The following ICE1 variants were observed in gnomAD, a reference collection of about 807,000 sequenced individuals.
ICE1 encodes the protein little elongation complex subunit 1.
Under a neutral mutation model 192.7 loss-of-function variants are expected in ICE1, and 64 were observed. The observed-to-expected ratio is 0.33, with a 90% confidence interval of 0.27 to 0.41. The LOEUF (loss-of-function observed/expected upper bound fraction) is 0.41. Ranked by LOEUF, ICE1 falls within the 10% of genes least tolerant of loss-of-function variation. The pLI is 1.00. For synonymous variants in ICE1, 1,010 were observed against 984.5 expected (o/e 1.03, Z -0.49); for missense variants, 2,708 against 2,696.0 (o/e 1.00, Z -0.10).
intron 1 of ICE1, among the ~76,000 whole-genome samples, chr5:5,435,128 C>T (rs1451156646): frequency 6.6e-6 from 1 of 152,186 alleles, no homozygotes; most frequent in African/African-American, 2.4e-5. Context: ...AAACCTCCCT[C>T]AACAACAATT....
chr5:5,470,900 C>G (rs1434711479), intron 15 of ICE1, among the ~76,000 whole-genome samples: 1 of 151,698 alleles, frequency 6.6e-6, no homozygotes, highest in Non-Finnish European at 1.5e-5. Flanking sequence ...AATCAAATAT[C>G]TCTAGCTTTT....
intron 10 of ICE1, among the ~76,000 whole-genome samples, chr5:5,453,207 T>A (rs1738476410): frequency 6.6e-6 from 1 of 152,086 alleles, no homozygotes; most frequent in African/African-American, 2.4e-5. Context: ...GGAAGCAGGC[T>A]TTTGGGTAGG....
chr5:5,464,728 G>C lies in ICE1; in HGVS notation c.5394G>C (p.Thr1798=). The stretch of plus-strand genomic sequence containing the variant: ...CCAGTGCTATGATAGGATTCAAAAC[G>C]ATCACTTCAGCAGCAACTGCTTTTG... The part of the protein sequence containing the change: ...GPASAMIGFK[T]ITSAATAFVK... The change falls in exon 13 of 19, where the codon ACG becomes ACC. Residue 1798 remains threonine, a synonymous_variant. Coordinates refer to ENST00000296564, the MANE Select transcript of ICE1 (RefSeq NM_015325.3). This position sits in a 1 kb window ranked among gnomAD's most constrained non-coding sequence, Gnocchi z 4.0. 6.2e-7 allele frequency: 1 copy of C among 1,613,894 alleles called. No homozygotes were observed. The highest frequency in any genetic ancestry group is 2.2e-5 in the East Asian group (1 of 44,874).
At chr5:5,472,524 C>T (rs1025415745) in intron 15 of ICE1, among the ~76,000 whole-genome samples, 9 of 152,152 alleles carry the variant, frequency 5.9e-5, no homozygotes, top group Admixed American at 1.3e-4. Flanking sequence ...TGCATCTGCT[C>T]AGGTTGCGAA....
At chr5:5,424,386 GCCA>G (rs1189278372) in intron 1 of ICE1, among the ~76,000 whole-genome samples, 1 of 124,808 alleles carries the variant, frequency 8.0e-6, no homozygotes, top group Admixed American at 8.9e-5. Context: ...CCCCGCCCCC[GCCA>G]CCACCACCCC....
rs776599611 is a variant in ICE1 at position 5,460,490 on chromosome 5, A to G, written c.1156A>G (p.Arg386Gly). ...DSSDNDSVQL[R>G]NSAECVSEDD... is the part of the protein sequence containing the mutation. ...CAGCGATAATGACTCAGTCCAGCTTAGAAATTCTGCTGAGTGTGTTTCAGA... is the reference window on the plus strand; with the variant it reads ...CAGCGATAATGACTCAGTCCAGCTTGGAAATTCTGCTGAGTGTGTTTCAGA... The change falls in exon 13 of 19, where the codon AGA becomes GGA. Residue 386 changes from arginine to glycine, a missense_variant. Coordinates refer to ENST00000296564, the MANE Select transcript of ICE1 (RefSeq NM_015325.3). 3.7e-6 allele frequency: 6 copies of G among 1,611,642 alleles called. No individual in the cohort carries two copies. In the South Asian group the frequency reaches 5.5e-5, roughly 15 times the overall value.
rs1191347984 is a variant in ICE1 at position 5,464,853 on chromosome 5, C to A, written c.5519C>A (p.Ser1840Tyr). ...DSSGKRTLSTSTLRSAKRLRL... is the reference protein window; with the variant it reads ...DSSGKRTLSTYTLRSAKRLRL... Reference sequence around the variant, plus strand: ...AGCGGGAAAAGAACACTGTCAACGTCTACACTGAGAAGTGCTAAAAGACTG... The same window carrying A: ...AGCGGGAAAAGAACACTGTCAACGTATACACTGAGAAGTGCTAAAAGACTG... Residue 1840 changes from serine (S) to tyrosine (Y), a missense_variant, in exon 13 of 19, where the codon TCT (serine) becomes TAT (tyrosine). Ser to Tyr is a moderately radical substitution (Grantham distance 144). This residue lies in a region of ICE1 where 2,366 missense variants were observed against 2,276.6 expected (regional missense o/e 1.04). Transcript: ENST00000296564. This position sits in a 1 kb window ranked among gnomAD's most constrained non-coding sequence, Gnocchi z 4.0. 1 of 1,613,084 alleles carries A rather than the reference C, an allele frequency of 6.2e-7. No homozygotes were observed. The highest frequency in any genetic ancestry group is 8.5e-7 in the Non-Finnish European group (1 of 1,179,514).
rs1322544389 is a variant in ICE1 at position 5,460,853 on chromosome 5, G to T, written c.1519G>T (p.Gly507Cys). The T allele has an allele frequency of 6.2e-7, 1 of 1,614,032 alleles. No homozygotes were observed. The highest frequency in any genetic ancestry group is 8.5e-7 in the Non-Finnish European group (1 of 1,179,898). ...GAAGACCATTCATAAACTCACTCGAGGTCTATGCATTGAGAGATTGTCTGC... is the reference window on the plus strand; with the variant it reads ...GAAGACCATTCATAAACTCACTCGATGTCTATGCATTGAGAGATTGTCTGC... ...TEKTIHKLTRGLCIERLSASP... is the reference protein window; with the variant it reads ...TEKTIHKLTRCLCIERLSASP... The change falls in exon 13 of 19, where the codon GGT becomes TGT. Residue 507 changes from glycine (G) to cysteine (C), a missense_variant. Transcript: ENST00000296564.
rs898844616 is a variant in ICE1, at chr5:5,462,044, T to A, written c.2710T>A (p.Cys904Ser). ...NKTGMSTVAK[C>S]DGERDDTTQN... is the part of the protein sequence containing the mutation. ...AACCGGTATGTCAACTGTAGCAAAA[T>A]GTGATGGGGAAAGAGATGATACAAC... The change falls in exon 13 of 19, where the codon TGT becomes AGT. Residue 904 changes from cysteine to serine, a missense_variant. Cys to Ser is a moderately radical substitution (Grantham distance 112). Transcript: ENST00000296564. 5 of 1,613,788 alleles carry A rather than the reference T, an allele frequency of 3.1e-6. No individual in the cohort carries two copies. In the African/African-American group the frequency reaches 6.7e-5, roughly 22 times the overall value.
chr5:5,469,696 A>G (rs1004436780), intron 15 of ICE1, among the ~76,000 whole-genome samples: 2 of 151,864 alleles, frequency 1.3e-5, no homozygotes, highest in Non-Finnish European at 2.9e-5. Flanking sequence ...GCCTTTTTTT[A>G]TTATTACTTT....
intron 12 of ICE1, 43 bp from the exon 13 acceptor site, chr5:5,460,393 C>T (rs1406514914): frequency 8.9e-7 from 1 of 1,128,946 alleles, no homozygotes; most frequent in Non-Finnish European, 1.3e-6. Flanking sequence ...TCATGTTAAT[C>T]TGTTGAATTA....
chr5:5,438,167 G>C (rs545208768), intron 3 of ICE1, among the ~76,000 whole-genome samples: 1 of 152,214 alleles, frequency 6.6e-6, no homozygotes, highest in African/African-American at 2.4e-5. Context: ...GAAGTGCAGA[G>C]CGAAGCGGGG....
rs1252624621 is a variant in ICE1 at position 5,457,314 on chromosome 5, T to C, written c.692-18T>C. ...GATATTGTAAATACCTGATACCTACTTTTGTTCCCCCACATAGAAAAACCT... is the reference window on the plus strand; with the variant it reads ...GATATTGTAAATACCTGATACCTACCTTTGTTCCCCCACATAGAAAAACCT... On this transcript the variant is annotated intron_variant, in intron 11 of 18. Transcript: ENST00000296564. 1.9e-6 allele frequency: 3 copies of C among 1,573,446 alleles called. No individual in the cohort carries two copies. In the East Asian group the frequency reaches 6.7e-5, roughly 35 times the overall value.
chr5:5,470,484 G>A (rs1011497086), intron 15 of ICE1, among the ~76,000 whole-genome samples: 1 of 152,120 alleles, frequency 6.6e-6, no homozygotes, highest in African/African-American at 2.4e-5. Context: ...AATACATAGA[G>A]CTTTAAGAAA....
chr5:5,454,605 A>G lies in ICE1; in HGVS notation c.658A>G (p.Arg220Gly). The G allele has an allele frequency of 6.2e-7, 1 of 1,613,606 alleles. No individual in the cohort carries two copies. The highest frequency in any genetic ancestry group is 1.3e-5 in the African/African-American group (1 of 75,042). ...ELWLCVNTTH[R>G]LPGEGSRCVP... is the part of the protein sequence containing the mutation. ...CTGGCTCTGTGTAAACACAACACAC[A>G]GACTACCTGGTGAAGGCAGCAGGTG... Residue 220 changes from arginine (R) to glycine (G), a missense_variant, in exon 11 of 19, where the codon AGA (arginine) becomes GGA (glycine). Arg to Gly is a moderately radical substitution (Grantham distance 125, BLOSUM62 -2). This residue lies in a region of ICE1 where 2,366 missense variants were observed against 2,276.6 expected (regional missense o/e 1.04). Transcript: ENST00000296564.
chr5:5,457,821 T>G, intron 12 of ICE1, 80 bp downstream of exon 12: 1 of 1,327,936 alleles, frequency 7.5e-7, no homozygotes, highest in Non-Finnish European at 1.0e-6. Context: ...CAAAGGATAT[T>G]AGTGATATTC....
Position 5,462,600 on chromosome 5 carries a change from G to T in ICE1, c.3266G>T (p.Ser1089Ile), listed in dbSNP as rs1309714323. 6.2e-7 allele frequency: 1 copy of T among 1,613,838 alleles called. No individual in the cohort carries two copies. The highest frequency in any genetic ancestry group is 8.5e-7 in the Non-Finnish European group (1 of 1,179,892). ...GAGACACAGGATACCTCCCAAAGTAGCCTGCCTGGTACCTTACATTGTTAC... is the reference window on the plus strand; with the variant it reads ...GAGACACAGGATACCTCCCAAAGTATCCTGCCTGGTACCTTACATTGTTAC... ...HGETQDTSQS[S>I]LPGTLHCYTG... Residue 1089 changes from serine (S) to isoleucine (I), a missense_variant, in exon 13 of 19, where the codon AGC becomes ATC. This residue lies in a region of ICE1 where 2,366 missense variants were observed against 2,276.6 expected (regional missense o/e 1.04). Coordinates refer to ENST00000296564, the MANE Select transcript of ICE1 (RefSeq NM_015325.3).
intron 10 of ICE1, among the ~76,000 whole-genome samples, chr5:5,452,382 G>A (rs748120811): frequency 1.3e-5 from 2 of 151,886 alleles, no homozygotes; most frequent in African/African-American, 4.8e-5. Context: ...ACATTGTACC[G>A]TTATTAACCT....
At chr5:5,483,934 C>T (rs1739572462) in intron 17 of ICE1, among the ~76,000 whole-genome samples, 1 of 152,126 alleles carries the variant, frequency 6.6e-6, no homozygotes, top group South Asian at 2.1e-4. Flanking sequence ...AAATGAAAAC[C>T]CTGCTGTCTT....
Sources: gnomAD v4.1 joint callset for allele counts (sites outside exome capture counted in the v4.1 genomes callset) on GRCh38, gnomAD v4.1.1 for gene constraint, gnomAD v4.1.1 regional missense constraint, Gnocchi (gnomAD v3.1) non-coding constraint, MANE v1.5 for transcripts, NCBI Gene and HGNC (gene_info 2026-07-23, HGNC 2026-07-21) for gene names.